The following DENND4A variants were observed in gnomAD, a reference collection of about 807,000 sequenced individuals.
DENND4A encodes the protein C-myc promoter-binding protein.
DENND4A carries 70 observed loss-of-function variants against 199.3 expected under a neutral mutation model. The ratio of observed to expected loss-of-function variants is 0.35; its 90% CI spans 0.29 to 0.43. The LOEUF (loss-of-function observed/expected upper bound fraction) is 0.43, where lower values mean the gene tolerates loss of function less well. Among genes scored for constraint, DENND4A ranks in the 20% least tolerant of loss-of-function variants. DENND4A has a pLI of 1.00. For synonymous variants in DENND4A, 686 were observed against 766.9 expected (o/e 0.89, Z 1.74); for missense variants, 1,723 against 2,255.8 (o/e 0.76, Z 4.78).
At chr15:65,761,015 A>C (rs1186537843) in intron 2 of DENND4A, among the ~76,000 whole-genome samples, 2 of 152,194 alleles carry the variant, frequency 1.3e-5, no homozygotes, top group African/African-American at 2.4e-5. Flanking sequence ...TTTGAGATAA[A>C]TTTATTCATA....
intron 2 of DENND4A, among the ~76,000 whole-genome samples, chr15:65,759,792 TTTTGTG>T (rs888231074): frequency 2.6e-5 from 4 of 152,210 alleles, no homozygotes; most frequent in Non-Finnish European, 4.4e-5. Context: ...ACAAAAGGAC[TTTTGTG>T]TTTAACTTTT....
intron 12 of DENND4A, among the ~76,000 whole-genome samples, chr15:65,721,791 T>C (rs1283947110): frequency 2.0e-5 from 3 of 151,884 alleles, no homozygotes; most frequent in African/African-American, 7.2e-5. Flanking sequence ...GCTATACCAC[T>C]ATTGACTGTA....
At chr15:65,736,934 TAACATGC>T (rs1422464829) in intron 7 of DENND4A, among the ~76,000 whole-genome samples, 1 of 152,232 alleles carries the variant, frequency 6.6e-6, no homozygotes, top group African/African-American at 2.4e-5. Context: ...ACATTTATAT[TAACATGC>T]AATGGGTGTG....
At chr15:65,686,732 C>T (rs192638662) in intron 23 of DENND4A, among the ~76,000 whole-genome samples, 1 of 152,238 alleles carries the variant, frequency 6.6e-6, no homozygotes, top group East Asian at 1.9e-4. Context: ...GTCTGTTGCT[C>T]AGGTTGGAGT....
chr15:65,754,785 T>C (rs553122558), intron 3 of DENND4A, among the ~76,000 whole-genome samples: 2 of 152,154 alleles, frequency 1.3e-5, no homozygotes, highest in African/African-American at 2.4e-5. Context: ...CATGGAGAAA[T>C]TGGAACCCTC....
In DENND4A at chr15:65,711,771, G is replaced by A. The variant is rs191140037; in HGVS notation, c.1953+3707C>T. On this transcript the variant is annotated intron_variant, in intron 14 of 32. Coordinates refer to ENST00000443035, the MANE Select transcript of DENND4A (RefSeq NM_001320835.1). Reference sequence around the variant, plus strand: ...CTCAATAAATTTGATTTTTAAAAATGTCTTAAAAAGTGGTTAGCATATTAT... The same window carrying A: ...CTCAATAAATTTGATTTTTAAAAATATCTTAAAAAGTGGTTAGCATATTAT... Among the ~76,000 whole-genome samples, 508 of 152,240 alleles carry A rather than the reference G, an allele frequency of 3.3e-3. 4 individuals carry two copies. Among genetic ancestry groups the A allele is most frequent in the Non-Finnish European group, 4.9e-3 (336 of 67,990 alleles).
At chr15:65,706,427 GAAT>G (rs1337489567) in intron 14 of DENND4A, among the ~76,000 whole-genome samples, 1 of 144,084 alleles carries the variant, frequency 6.9e-6, no homozygotes, top group Non-Finnish European at 1.5e-5. Context: ...ATTACCTTTT[GAAT>G]AAGAAAAGGG....
At chr15:65,689,466 G>A (rs2076899987) in intron 23 of DENND4A, among the ~76,000 whole-genome samples, 1 of 152,136 alleles carries the variant, frequency 6.6e-6, no homozygotes. Context: ...TTTCTCTGTT[G>A]ATAGAGTAAA....
At position 65,668,104 on chromosome 15, in the gene DENND4A, T is replaced by A. The variant is rs1285716348; in HGVS notation, c.4807A>T (p.Asn1603Tyr). ...ATCTGAATACTTCGGGTGCAAAAATTTTCCTGCAGTTTAGATTTGCTTGGG... is the reference window on the plus strand; with the variant it reads ...ATCTGAATACTTCGGGTGCAAAAATATTCCTGCAGTTTAGATTTGCTTGGG... ...DLNSKSKLQENFCTRSIQIPA... is the reference protein window; with the variant it reads ...DLNSKSKLQEYFCTRSIQIPA... Residue 1603 changes from asparagine (N) to tyrosine (Y), a missense_variant, in exon 28 of 33, where the codon AAT becomes TAT. Physicochemically the swap from Asn to Tyr is moderately radical, Grantham distance 143. Around this residue, in one of 6 missense-constraint regions of DENND4A, gnomAD observed 141 missense variants for 170.7 expected, o/e 0.83. Transcript: ENST00000443035. The A allele has an allele frequency of 6.3e-7, 1 of 1,578,510 alleles. No homozygotes were observed. Among genetic ancestry groups the A allele is most frequent in the South Asian group, 1.2e-5 (1 of 84,714 alleles).
At chr15:65,773,090 G>T (rs1046227310) in intron 1 of DENND4A, among the ~76,000 whole-genome samples, 1 of 151,880 alleles carries the variant, frequency 6.6e-6, no homozygotes, top group Non-Finnish European at 1.5e-5. Flanking sequence ...GCATCCAGTG[G>T]CATCAACGGT....
At chr15:65,675,434 T>C (rs1016883983) in intron 24 of DENND4A, among the ~76,000 whole-genome samples, 1 of 151,934 alleles carries the variant, frequency 6.6e-6, no homozygotes, top group Non-Finnish European at 1.5e-5. Context: ...ATACATTTGA[T>C]GATATAGAAT....
intron 5 of DENND4A, among the ~76,000 whole-genome samples, chr15:65,740,899 T>A (rs2076243823): frequency 6.6e-6 from 1 of 151,876 alleles, no homozygotes; most frequent in Admixed American, 6.6e-5. Context: ...GAGTCTGAGG[T>A]TGCAGTGAGC....
At chr15:65,694,040 A>T (rs1442192969) in intron 22 of DENND4A, among the ~76,000 whole-genome samples, 1 of 152,178 alleles carries the variant, frequency 6.6e-6, no homozygotes, top group Non-Finnish European at 1.5e-5. Context: ...TAAGGATAAA[A>T]AGTAAAGGCA....
intron 11 of DENND4A, among the ~76,000 whole-genome samples, chr15:65,727,033 A>T (rs1490963876): frequency 5.3e-5 from 8 of 152,100 alleles, no homozygotes; most frequent in African/African-American, 1.7e-4. Flanking sequence ...ATGGAGAAAA[A>T]CTGGGTGTGG....
chr15:65,681,189 G>T (rs1364905339), intron 23 of DENND4A: 1 of 152,144 alleles, frequency 6.6e-6, no homozygotes, highest in Non-Finnish European at 1.5e-5. Flanking sequence ...AATTCTAGGG[G>T]TTTTTGCTAT....
At chr15:65,689,687 G>A (rs1045529659) in intron 23 of DENND4A, among the ~76,000 whole-genome samples, 1 of 152,118 alleles carries the variant, frequency 6.6e-6, no homozygotes, top group African/African-American at 2.4e-5. Context: ...TCTCACAGAC[G>A]TTCTACTTAC....
chr15:65,701,843 T>C lies in DENND4A; in HGVS notation c.2478A>G (p.Pro826=). The C allele has an allele frequency of 6.2e-7, 1 of 1,613,950 alleles. No homozygotes were observed. The highest frequency in any genetic ancestry group is 2.2e-5 in the East Asian group (1 of 44,878). The stretch of plus-strand genomic sequence containing the variant: ...CAAAAAGCACTCGAACTGCAAGCAC[T>C]GGCTGATCATATTGTCCACAGAGTT... ...LMQLCGQYDQ[P]VLAVRVLFEM... The change falls in exon 18 of 33, where the codon CCA becomes CCG. Residue 826 remains proline (P), a synonymous_variant. Coordinates refer to ENST00000443035, the MANE Select transcript of DENND4A (RefSeq NM_001320835.1).
At chr15:65,769,884 A>G (rs1454478978) in intron 1 of DENND4A, among the ~76,000 whole-genome samples, 2 of 152,188 alleles carry the variant, frequency 1.3e-5, no homozygotes. Context: ...CTAAACACAG[A>G]AGACCAGAAA....
intron 8 of DENND4A, among the ~76,000 whole-genome samples, chr15:65,732,136 A>G (rs1170659523): frequency 6.6e-6 from 1 of 152,130 alleles, no homozygotes; most frequent in Non-Finnish European, 1.5e-5. Context: ...AGAGCTGAAT[A>G]GTTGTGACAG....
Sources: gnomAD v4.1 joint callset for allele counts (sites outside exome capture counted in the v4.1 genomes callset) on GRCh38, gnomAD v4.1.1 for gene constraint, gnomAD v4.1.1 regional missense constraint, MANE v1.5 for transcripts, NCBI Gene and HGNC (gene_info 2026-07-23, HGNC 2026-07-21) for gene names.